Variants in REV3L observed in about 807,000 individuals in gnomAD.
REV3L encodes DNA polymerase zeta catalytic subunit.
A neutral mutation model predicts 299.4 loss-of-function variants in REV3L; 69 were observed. That is an observed-to-expected ratio of 0.23 (90% CI 0.19 to 0.28). REV3L has a LOEUF of 0.28. REV3L is among the 10% of genes least tolerant of loss of function. The pLI is 1.00. For synonymous variants in REV3L, 1,238 were observed against 1,271.4 expected (o/e 0.97, Z 0.56); for missense variants, 3,128 against 3,693.8 (o/e 0.85, Z 3.97).
intron 3 of REV3L, among the ~76,000 whole-genome samples, chr6:111,410,729 G>A (rs554560105): frequency 1.2e-3 from 179 of 152,208 alleles, no homozygotes; most frequent in African/African-American, 4.0e-3. Context: ...CTGGGCAGTC[G>A]TGCCCCCTGT....
chr6:111,409,541 G>C (rs904235241), intron 3 of REV3L, among the ~76,000 whole-genome samples: 2 of 152,032 alleles, frequency 1.3e-5, no homozygotes, highest in Admixed American at 1.3e-4. Context: ...ATAATAAAGA[G>C]AATTCTGACC....
chr6:111,461,216 C>G (rs1790733832), intron 1 of REV3L, among the ~76,000 whole-genome samples: 1 of 151,938 alleles, frequency 6.6e-6, no homozygotes, highest in Non-Finnish European at 1.5e-5. Flanking sequence ...GAAGACCTTC[C>G]AGACAAGATG....
intron 15 of REV3L, among the ~76,000 whole-genome samples, chr6:111,364,813 G>C (rs1779044146): frequency 6.6e-6 from 1 of 151,822 alleles, no homozygotes; most frequent in Admixed American, 6.6e-5. Context: ...CAGAGTTTCA[G>C]TAGTAAATAA....
chr6:111,413,895 T>C (rs1784504539), intron 2 of REV3L, among the ~76,000 whole-genome samples: 1 of 152,002 alleles, frequency 6.6e-6, no homozygotes, highest in Non-Finnish European at 1.5e-5. Context: ...TGAGGATATA[T>C]ATAGGAAAGT....
At chr6:111,328,306 T>C (rs1324233160) in intron 25 of REV3L, among the ~76,000 whole-genome samples, 2 of 152,220 alleles carry the variant, frequency 1.3e-5, no homozygotes, top group African/African-American at 4.8e-5. Flanking sequence ...GGGCTCACTA[T>C]GTTGCTTAGG....
intron 27 of REV3L, 57 bp downstream of exon 27, chr6:111,315,210 G>C: frequency 7.6e-7 from 1 of 1,312,280 alleles, no homozygotes; most frequent in Non-Finnish European, 1.1e-6. Flanking sequence ...ACAAATCAGA[G>C]GTCTCTAGAA....
intron 25 of REV3L, among the ~76,000 whole-genome samples, chr6:111,326,697 T>C (rs1774861563): frequency 6.6e-6 from 1 of 151,648 alleles, no homozygotes; most frequent in African/African-American, 2.4e-5. Context: ...AGCCAAGATA[T>C]GGAAACAACC....
At chr6:111,406,146 T>TA (rs1783598076) in intron 3 of REV3L, among the ~76,000 whole-genome samples, 1 of 152,100 alleles carries the variant, frequency 6.6e-6, no homozygotes, top group African/African-American at 2.4e-5. Context: ...ACTAAACAGA[T>TA]AGAGGTACAG....
intron 18 of REV3L, among the ~76,000 whole-genome samples, chr6:111,354,866 T>C (rs1777935095): frequency 6.6e-6 from 1 of 151,788 alleles, no homozygotes; most frequent in African/African-American, 2.4e-5. Flanking sequence ...CAGTTAGTAT[T>C]TTAAGTAACT....
intron 27 of REV3L, among the ~76,000 whole-genome samples, chr6:111,314,659 TTGCACCCTGTC>T: frequency 6.6e-6 from 1 of 152,116 alleles, no homozygotes; most frequent in Admixed American, 6.6e-5. Context: ...GCCATTCCAG[TTGCACCCTGTC>T]TGCATTCCTG....
intron 1 of REV3L, among the ~76,000 whole-genome samples, chr6:111,435,357 A>C (rs1180094498): frequency 6.6e-6 from 1 of 152,232 alleles, no homozygotes; most frequent in African/African-American, 2.4e-5. Context: ...TAGCCAAATC[A>C]ATCTTGAGCA....
At chr6:111,364,959 A>T (rs549808264) in intron 15 of REV3L, among the ~76,000 whole-genome samples, 14 of 152,030 alleles carry the variant, frequency 9.2e-5, no homozygotes, top group Non-Finnish European at 1.9e-4. Context: ...CTCTGCTGTC[A>T]TTGGATTGTT....
intron 31 of REV3L, among the ~76,000 whole-genome samples, chr6:111,305,734 G>A (rs551450547): frequency 6.6e-6 from 1 of 152,246 alleles, no homozygotes; most frequent in South Asian, 2.1e-4. Flanking sequence ...GAAAGTCTAG[G>A]AAAGGACCAT....
chr6:111,309,727 TA>T, intron 30 of REV3L, 125 bp downstream of exon 30: 3 of 1,049,122 alleles, frequency 2.9e-6, no homozygotes, highest in Non-Finnish European at 4.0e-6. Context: ...CGTATCATTT[TA>T]CGGGACCACA....
chr6:111,340,888 C>A (rs774952442), intron 21 of REV3L, among the ~76,000 whole-genome samples: 2 of 151,514 alleles, frequency 1.3e-5, no homozygotes, highest in Non-Finnish European at 2.9e-5. Flanking sequence ...TTTTACTTGT[C>A]AAAAACAGTT....
chr6:111,437,784 C>T (rs1275971131), intron 1 of REV3L, among the ~76,000 whole-genome samples: 1 of 152,076 alleles, frequency 6.6e-6, no homozygotes, highest in Admixed American at 6.5e-5. Flanking sequence ...TTGCACAACT[C>T]TGTGAACAAA....
At chr6:111,306,656 T>C (rs754781602) in intron 31 of REV3L, among the ~76,000 whole-genome samples, 35 of 152,312 alleles carry the variant, frequency 2.3e-4, no homozygotes, top group Admixed American at 7.8e-4. Context: ...TTTACTCACC[T>C]GTAAAGGTGC....
At chr6:111,445,309 A>G (rs1216847004) in intron 1 of REV3L, among the ~76,000 whole-genome samples, 1 of 152,204 alleles carries the variant, frequency 6.6e-6, no homozygotes, top group Non-Finnish European at 1.5e-5. Flanking sequence ...GGGGTAAATC[A>G]TGTCCCAAGC....
intron 31 of REV3L, among the ~76,000 whole-genome samples, chr6:111,305,493 G>GAGAGGATCACTTGAGCCC (rs1249480746): frequency 6.6e-6 from 1 of 152,054 alleles, no homozygotes; most frequent in East Asian, 1.9e-4. Flanking sequence ...AGGCTGAGCT[G>GAGAGGATCACTTGAGCCC]AGAGGATCAC....
Sources: gnomAD v4.1 joint callset for allele counts (sites outside exome capture counted in the v4.1 genomes callset) on GRCh38, gnomAD v4.1.1 for gene constraint, MANE v1.5 for transcripts, NCBI Gene and HGNC (gene_info 2026-07-23, HGNC 2026-07-21) for gene names.